The following RGS6 variants were observed in gnomAD, a reference collection of about 807,000 sequenced individuals.
RGS6 encodes the protein regulator of G protein signaling 6.
RGS6 carries 30 observed loss-of-function variants against 78.5 expected under a neutral mutation model. That is an observed-to-expected ratio of 0.38 (90% CI 0.29 to 0.52). The LOEUF is 0.52. Ranked by LOEUF, RGS6 falls within the 20% of genes least tolerant of loss-of-function variation. The pLI, the probability that RGS6 is intolerant of heterozygous loss-of-function variation, is 0.85. For missense variants in RGS6, 495 were observed against 609.7 expected, an observed-to-expected ratio of 0.81 and a Z score of 1.98; for synonymous variants, 206 against 206.0, an observed-to-expected ratio of 1.00 and a Z score of 0.00.
At chr14:72,166,958 C>G (rs929694031) in intron 2 of RGS6, among the ~76,000 whole-genome samples, 1 of 152,128 alleles carries the variant, frequency 6.6e-6, no homozygotes, top group Non-Finnish European at 1.5e-5. Context: ...GTGTTTTTGC[C>G]AGGTATTGTT....
intron 2 of RGS6, among the ~76,000 whole-genome samples, chr14:72,196,564 T>A (rs2040210644): frequency 6.6e-6 from 1 of 152,162 alleles, no homozygotes; most frequent in African/African-American, 2.4e-5. Context: ...ATTTTCTCCT[T>A]CCAGAGCTCT....
chr14:72,058,285 A>G (rs901503288), intron 2 of RGS6, among the ~76,000 whole-genome samples: 10 of 152,092 alleles, frequency 6.6e-5, no homozygotes, highest in African/African-American at 2.2e-4. Context: ...ATACATTTTG[A>G]GGTAGTTTTC....
chr14:72,414,331 A>T (rs4480728), intron 3 of RGS6, among the ~76,000 whole-genome samples: 18,346 of 152,064 alleles, frequency 0.12, 1,756 homozygotes, highest in East Asian at 0.34. Flanking sequence ...TTCATTGATG[A>T]TATCCTTTCT....
At position 72,510,094 on chromosome 14, in the gene RGS6, T is replaced by C; in HGVS notation, c.966-60T>C. On this transcript the variant is annotated intron_variant, in intron 13 of 17. Transcript: ENST00000553525. Reference sequence around the variant, plus strand: ...AACAGACTTGAGTCACTGAAGAGAATATGACACGAGCTTTTCTCTGGTATT... The same window carrying C: ...AACAGACTTGAGTCACTGAAGAGAACATGACACGAGCTTTTCTCTGGTATT... 4 of 1,518,884 alleles carry C rather than the reference T, an allele frequency of 2.6e-6. No homozygotes were observed. The South Asian group carries it at 5.4e-5, about 20-fold the overall frequency. The allele number at this position is 1,518,884 out of a possible 1,614,324, so 94.1% of individuals were successfully genotyped here.
At chr14:72,521,472 A>G (rs1352013025) in intron 15 of RGS6, among the ~76,000 whole-genome samples, 1 of 152,194 alleles carries the variant, frequency 6.6e-6, no homozygotes, top group African/African-American at 2.4e-5. Context: ...CATATTGACA[A>G]GTATCTCAAT....
chr14:72,423,828 T>TA (rs2094317096), intron 3 of RGS6, among the ~76,000 whole-genome samples: 34 of 151,980 alleles, frequency 2.2e-4, no homozygotes, highest in Admixed American at 2.1e-3. Context: ...AAAATAAAAG[T>TA]CAAAACAAAA....
chr14:71,959,617 CTG>C (rs963806333), intron 1 of RGS6, among the ~76,000 whole-genome samples: 5 of 150,160 alleles, frequency 3.3e-5, no homozygotes, highest in African/African-American at 9.7e-5. Context: ...CCTCTTAGCT[CTG>C]TGTCAGGATC....
At chr14:72,345,254 A>C (rs572882364) in intron 2 of RGS6, among the ~76,000 whole-genome samples, 20 of 152,312 alleles carry the variant, frequency 1.3e-4, no homozygotes, top group Non-Finnish European at 1.5e-4. Context: ...TGTTCATAGA[A>C]TAGAGCCTCT....
At chr14:72,297,018 A>T (rs2064978559) in intron 2 of RGS6, among the ~76,000 whole-genome samples, 1 of 152,096 alleles carries the variant, frequency 6.6e-6, no homozygotes, top group African/African-American at 2.4e-5. Context: ...TTCCAGCTCA[A>T]TTTCTTGAAA....
the RGS6 span, among the ~76,000 whole-genome samples, chr14:72,586,348 G>A: frequency 6.6e-6 from 1 of 152,154 alleles, no homozygotes; most frequent in South Asian, 2.1e-4. Flanking sequence ...CTCACTCTTA[G>A]TTCTTGAGAA....
chr14:72,313,023 T>A (rs533596152), intron 2 of RGS6, among the ~76,000 whole-genome samples: 10 of 152,322 alleles, frequency 6.6e-5, no homozygotes, highest in African/African-American at 2.4e-4. Context: ...GACCTTGCAG[T>A]GGGAATGACC....
At chr14:71,966,333 C>G (rs1168055958) in intron 2 of RGS6, among the ~76,000 whole-genome samples, 1 of 152,152 alleles carries the variant, frequency 6.6e-6, no homozygotes, top group African/African-American at 2.4e-5. Flanking sequence ...GTGTAAGATT[C>G]TGTAATTCTT....
intron 3 of RGS6, among the ~76,000 whole-genome samples, chr14:72,448,001 G>A (rs1407727152): frequency 6.6e-6 from 1 of 152,150 alleles, no homozygotes; most frequent in Non-Finnish European, 1.5e-5. Context: ...GGAAATAAAC[G>A]CACAGGGCCA....
intron 2 of RGS6, among the ~76,000 whole-genome samples, chr14:72,310,389 C>T (rs1242829205): frequency 6.6e-6 from 1 of 152,226 alleles, no homozygotes; most frequent in Non-Finnish European, 1.5e-5. Context: ...TGAGCTTTGT[C>T]TTTCTGGAGT....
chr14:72,266,439 T>G (rs2059084516), intron 2 of RGS6, among the ~76,000 whole-genome samples: 1 of 152,200 alleles, frequency 6.6e-6, no homozygotes, highest in African/African-American at 2.4e-5. Context: ...AGTTTTTACC[T>G]AGCCCCCACC....
chr14:72,290,822 G>A (rs536741666), intron 2 of RGS6, among the ~76,000 whole-genome samples: 2 of 152,272 alleles, frequency 1.3e-5, no homozygotes, highest in South Asian at 2.1e-4. Flanking sequence ...ACCCTTCATG[G>A]CTGGGTTGAA....
chr14:72,289,291 A>G (rs181437591), intron 2 of RGS6, among the ~76,000 whole-genome samples: 4 of 152,014 alleles, frequency 2.6e-5, no homozygotes, highest in Admixed American at 2.0e-4. Context: ...TTCTCCCTAC[A>G]AAGTTAGCAT....
At chr14:71,973,412 C>G (rs1002290429) in intron 2 of RGS6, among the ~76,000 whole-genome samples, 10 of 151,266 alleles carry the variant, frequency 6.6e-5, no homozygotes, top group African/African-American at 2.4e-4. Flanking sequence ...TGGCCACATG[C>G]AGTGGCTCAT....
intron 2 of RGS6, among the ~76,000 whole-genome samples, chr14:71,970,432 T>A (rs4899408): frequency 0.94 from 143,053 of 152,238 alleles, 67,311 homozygotes; most frequent in East Asian, 0.99. Flanking sequence ...CCTGGGCAGT[T>A]GTTGGTTTAG....
Sources: allele counts gnomAD v4.1 joint callset (sites outside exome capture counted in the v4.1 genomes callset), GRCh38; gene constraint gnomAD v4.1.1; transcripts MANE v1.5; gene names NCBI Gene and HGNC (gene_info 2026-07-23, HGNC 2026-07-21).